Variants in WDR82 observed in about 807,000 individuals in gnomAD.
The protein encoded by WDR82 is WD repeat-containing protein 82.
WDR82 carries 8 observed loss-of-function variants against 36.1 expected under a neutral mutation model. The ratio of observed to expected loss-of-function variants is 0.22; its 90% confidence interval spans 0.13 to 0.40. WDR82 has a LOEUF of 0.40. WDR82 is among the 10% of genes least tolerant of loss of function. The pLI, the probability that WDR82 is intolerant of heterozygous loss-of-function variation, is 1.00. For missense variants in WDR82, 185 were observed against 400.5 expected, an observed-to-expected ratio of 0.46 and a Z score of 4.59; for synonymous variants, 129 against 137.8, an observed-to-expected ratio of 0.94 and a Z score of 0.45.
At chr3:52,260,588 A>G in intron 4 of WDR82, 87 bp from the exon 5 acceptor site, 1 of 828,450 alleles carries the variant, frequency 1.2e-6, no homozygotes, top group East Asian at 3.0e-5. Context: ...ACAATGGGGA[A>G]AAAAAAATGA....
chr3:52,262,279 T>C (rs1700068407), intron 3 of WDR82, among the ~76,000 whole-genome samples: 1 of 152,226 alleles, frequency 6.6e-6, no homozygotes, highest in Admixed American at 6.5e-5. Context: ...ACAGAGTTTC[T>C]CTTTGGAGTG....
intron 1 of WDR82, among the ~76,000 whole-genome samples, 167 bp from the exon 2 acceptor site, chr3:52,270,976 A>G (rs945162091): frequency 2.6e-5 from 4 of 152,266 alleles, no homozygotes; most frequent in African/African-American, 9.6e-5. Context: ...ACAACGCTCA[A>G]GCAACAGCCA....
intron 1 of WDR82, among the ~76,000 whole-genome samples, chr3:52,271,460 G>T (rs1398475995): frequency 6.6e-6 from 1 of 152,300 alleles, no homozygotes; most frequent in Admixed American, 6.5e-5. Flanking sequence ...ATGCATGGCT[G>T]TACATCTACT....
chr3:52,259,315 A>T (rs1423372646), intron 6 of WDR82, 49 bp from the exon 7 acceptor site: 11 of 1,582,442 alleles, frequency 7.0e-6, no homozygotes, highest in Non-Finnish European at 9.5e-6. Flanking sequence ...CCATTAATAA[A>T]AACAGCTGCC....
intron 1 of WDR82, among the ~76,000 whole-genome samples, chr3:52,277,319 C>A (rs530046346): frequency 6.6e-6 from 1 of 151,488 alleles, no homozygotes; most frequent in Admixed American, 6.6e-5. Context: ...TTAGATTTTG[C>A]GAAAAGATGC....
intron 2 of WDR82, among the ~76,000 whole-genome samples, chr3:52,270,354 A>T (rs1304760354): frequency 6.6e-6 from 1 of 152,198 alleles, no homozygotes; most frequent in East Asian, 1.9e-4. Context: ...TCCTGACCTC[A>T]GTGATCCGCC....
At chr3:52,277,106 G>A (rs1233792808) in intron 1 of WDR82, among the ~76,000 whole-genome samples, 3 of 122,570 alleles carry the variant, frequency 2.4e-5, no homozygotes, top group Non-Finnish European at 5.5e-5. Flanking sequence ...AATAATATCT[G>A]TTACTAGGTG....
Position 52,257,468 on chromosome 3 carries a change from A to G in WDR82, c.*22T>C, listed in dbSNP as rs767448351. 1 of 1,614,100 alleles carries G rather than the reference A, an allele frequency of 6.2e-7. No homozygotes were observed. The highest frequency in any genetic ancestry group is 1.1e-5 in the South Asian group (1 of 91,078). Reference sequence around the variant, plus strand: ...CCTGCTGGCCGCCCTCACTATACAGAAATAGCCAAGCAGCAACAGGGTCAG... The same window carrying G: ...CCTGCTGGCCGCCCTCACTATACAGGAATAGCCAAGCAGCAACAGGGTCAG... On this transcript the variant is annotated 3_prime_UTR_variant, in exon 9 of 9. Transcript: ENST00000296490.
rs1018369640 is a variant in WDR82, at chr3:52,254,920, G to A, written c.*2570C>T. On this transcript the variant is annotated 3_prime_UTR_variant, in exon 9 of 9. Transcript: ENST00000296490. ...CAGCTTTGCAACCACAGGGCCCAAC[G>A]ATAGAGACTGTGAGGTGGCATTTTT... 2 of 151,328 alleles carry A rather than the reference G, an allele frequency of 1.3e-5. No homozygotes were observed. The highest frequency in any genetic ancestry group is 2.9e-5 in the Non-Finnish European group (2 of 68,022). The allele number at this position is 151,328 out of a possible 1,614,324, so 9.4% of individuals were successfully genotyped here.
chr3:52,275,301 A>G (rs1371063635), intron 1 of WDR82, among the ~76,000 whole-genome samples: 2 of 151,704 alleles, frequency 1.3e-5, no homozygotes, highest in Non-Finnish European at 3.0e-5. Flanking sequence ...GGTTTGACCT[A>G]TACTAGTGAC....
chr3:52,277,065 AAAT>A (rs71084177), intron 1 of WDR82, among the ~76,000 whole-genome samples: 10,791 of 140,936 alleles, frequency 0.077, 444 homozygotes, highest in South Asian at 0.1. Context: ...CCAAGATCTC[AAAT>A]AATAATAATA....
chr3:52,268,774 T>C (rs1395409035), intron 2 of WDR82, among the ~76,000 whole-genome samples: 2 of 151,688 alleles, frequency 1.3e-5, no homozygotes, highest in East Asian at 1.9e-4. Flanking sequence ...TGCTCTGAGA[T>C]AGGCACAGCC....
At chr3:52,262,148 C>G (rs1700067317) in intron 3 of WDR82, among the ~76,000 whole-genome samples, 1 of 152,122 alleles carries the variant, frequency 6.6e-6, no homozygotes, top group Admixed American at 6.5e-5. Flanking sequence ...TAAAAGAAGC[C>G]AGGCACAAAA....
chr3:52,278,387 G>C lies in WDR82; in HGVS notation c.-26C>G. The C allele has an allele frequency of 6.8e-7, 1 of 1,471,548 alleles. No individual in the cohort carries two copies. The allele number at this position is 1,471,548 out of a possible 1,614,324, so 91.2% of individuals were successfully genotyped here. On this transcript the variant is annotated 5_prime_UTR_variant, in exon 1 of 9. Coordinates refer to ENST00000296490, the MANE Select transcript of WDR82 (RefSeq NM_025222.4). ...GGCGGCGGCTGGGGAAGGCAGCGGCGGCGCAGGGCCGGGGCGGGGCCCGGC... is the reference window on the plus strand; with the variant it reads ...GGCGGCGGCTGGGGAAGGCAGCGGCCGCGCAGGGCCGGGGCGGGGCCCGGC...
rs745646179 is a variant in WDR82, at chr3:52,259,318, C to T, written c.700-52G>A. ...GTTCTTACAGAGCCATTAATAAAAA[C>T]AGCTGCCTACAAACACTGACTCAGC... On this transcript the variant is annotated intron_variant, in intron 6 of 8. Transcript: ENST00000296490. 4 of 1,567,796 alleles carry T rather than the reference C, an allele frequency of 2.6e-6. No individual in the cohort carries two copies. The South Asian group carries it at 4.5e-5, about 18-fold the overall frequency.
At chr3:52,261,135 AC>A (rs1247815330) in intron 4 of WDR82, among the ~76,000 whole-genome samples, 8 of 152,194 alleles carry the variant, frequency 5.3e-5, no homozygotes, top group African/African-American at 1.9e-4. Flanking sequence ...CAAAACAAAA[AC>A]AAAAACAAAA....
intron 3 of WDR82, among the ~76,000 whole-genome samples, chr3:52,265,861 G>A (rs1345902166): frequency 2.6e-5 from 4 of 152,152 alleles, no homozygotes; most frequent in East Asian, 3.9e-4. Flanking sequence ...CAGGCATTAA[G>A]CCACCACGCC....
chr3:52,264,451 C>G (rs541785073), intron 3 of WDR82, among the ~76,000 whole-genome samples: 18 of 152,124 alleles, frequency 1.2e-4, no homozygotes, highest in African/African-American at 3.6e-4. Context: ...TAACTAGAGG[C>G]AGCAGGGAAT....
intron 1 of WDR82, among the ~76,000 whole-genome samples, chr3:52,275,903 T>C (rs527947417): frequency 4.4e-4 from 67 of 151,830 alleles, no homozygotes; most frequent in Non-Finnish European, 9.1e-4. Context: ...AGAAAATCCA[T>C]GTTGAAGTGT....
Sources: allele counts gnomAD v4.1 joint callset (sites outside exome capture counted in the v4.1 genomes callset), GRCh38; gene constraint gnomAD v4.1.1; transcripts MANE v1.5; gene names NCBI Gene and HGNC (gene_info 2026-07-23, HGNC 2026-07-21).